JPH3: variants seen among roughly 807,000 people sequenced by gnomAD.
The protein encoded by JPH3 is junctophilin-3.
In JPH3, 11 loss-of-function variants were observed where a neutral mutation model predicts 59.6. That is an observed-to-expected ratio of 0.18 (90% CI 0.12 to 0.31). The LOEUF is 0.31. Ranked by LOEUF, JPH3 falls within the 10% of genes least tolerant of loss-of-function variation. JPH3 has a pLI of 1.00. For synonymous variants in JPH3, 673 were observed against 483.6 expected (o/e 1.39, Z -5.14); for missense variants, 1,202 against 1,105.7 (o/e 1.09, Z -1.24).
chr16:87,679,201 C>T (rs936651169), intron 2 of JPH3, among the ~76,000 whole-genome samples: 4 of 152,306 alleles, frequency 2.6e-5, no homozygotes, highest in South Asian at 4.1e-4. Flanking sequence ...TGGACCTGCC[C>T]GTGGCCTGGA....
chr16:87,669,680 G>C (rs1268709630), intron 2 of JPH3, among the ~76,000 whole-genome samples: 1 of 152,218 alleles, frequency 6.6e-6, no homozygotes, highest in Admixed American at 6.5e-5. Flanking sequence ...GACAGTGTGA[G>C]GGCCGCCTGG....
At chr16:87,610,233 C>G (rs1368394233) in intron 1 of JPH3, among the ~76,000 whole-genome samples, 2 of 152,212 alleles carry the variant, frequency 1.3e-5, no homozygotes, top group African/African-American at 4.8e-5. Context: ...TCACTCGCCA[C>G]TCACCTCCTG....
At chr16:87,691,407 G>T (rs534919868) in intron 4 of JPH3, among the ~76,000 whole-genome samples, 1 of 152,242 alleles carries the variant, frequency 6.6e-6, no homozygotes, top group African/African-American at 2.4e-5. Context: ...CAGGCAGTGC[G>T]TGGTGCTGAA....
Position 87,644,623 on chromosome 16 carries a change from A to G in JPH3, c.748A>G (p.Met250Val). The G allele has an allele frequency of 1.2e-6, 2 of 1,612,524 alleles. No individual in the cohort carries two copies. Among genetic ancestry groups the G allele is most frequent in the Non-Finnish European group, 8.5e-7 (1 of 1,179,872 alleles). The change falls in exon 2 of 5, where the codon ATG (methionine) becomes GTG (valine). Residue 250 changes from methionine (M) to valine (V), a missense_variant. Met to Val is a conservative substitution (Grantham distance 21, BLOSUM62 1). Coordinates refer to ENST00000284262, the MANE Select transcript of JPH3 (RefSeq NM_020655.4). ...GAGCTCCTTTCGCAGCGAGGCGGGCATGAGCACCGTCAGCTCCACGGCCAG... is the reference window on the plus strand; with the variant it reads ...GAGCTCCTTTCGCAGCGAGGCGGGCGTGAGCACCGTCAGCTCCACGGCCAG... ...KQSSFRSEAGMSTVSSTASDI... is the reference protein window; with the variant it reads ...KQSSFRSEAGVSTVSSTASDI...
chr16:87,645,072 C>G, intron 2 of JPH3, 37 bp downstream of exon 2: 1 of 1,566,934 alleles, frequency 6.4e-7, no homozygotes, highest in Non-Finnish European at 8.6e-7. Flanking sequence ...CTTCTTGGTG[C>G]CCAGAAGGTG....
chr16:87,675,914 G>A (rs1265739458), intron 2 of JPH3, among the ~76,000 whole-genome samples: 5 of 152,208 alleles, frequency 3.3e-5, no homozygotes, highest in African/African-American at 1.2e-4. Context: ...CTTTCGCTCT[G>A]TAATTCCTTT....
At position 87,690,773 on chromosome 16, in the gene JPH3, C is replaced by T. The variant is rs557342662; in HGVS notation, c.2166+247C>T. Among the ~76,000 whole-genome samples, 4 of 151,818 alleles carry T rather than the reference C, an allele frequency of 2.6e-5. No individual in the cohort carries two copies. The East Asian group carries it at 5.8e-4, about 22-fold the overall frequency. On this transcript the variant is annotated intron_variant, in intron 4 of 4. Transcript: ENST00000284262. The stretch of plus-strand genomic sequence containing the variant: ...GCCCCCAGGTTGTCCAGAAAGCACA[C>T]GAAACTCCTGGTTTCCAGGCAGCAT...
rs555471772 is a variant in JPH3 at position 87,659,233 on chromosome 16, C to T, written c.1160+14198C>T. On this transcript the variant is annotated intron_variant, in intron 2 of 4. Transcript: ENST00000284262. ...TACTGAAAATACAAAAAAATTCAGC[C>T]GGGTATGGTGGCAGGCACCTGTAAT... Among the ~76,000 whole-genome samples the T allele has an allele frequency of 4.7e-4, 72 of 151,874 alleles. 2 individuals are homozygous for T. In the South Asian group the frequency reaches 0.013, roughly 27 times the overall value.
At chr16:87,659,719 C>G (rs148838763) in intron 2 of JPH3, among the ~76,000 whole-genome samples, 19 of 151,462 alleles carry the variant, frequency 1.3e-4, no homozygotes, top group African/African-American at 4.6e-4. Flanking sequence ...GGCAACAAAG[C>G]AAGACTCCAT....
At chr16:87,683,765 C>T (rs758315811) in intron 2 of JPH3, among the ~76,000 whole-genome samples, 1 of 152,200 alleles carries the variant, frequency 6.6e-6, no homozygotes, top group Non-Finnish European at 1.5e-5. Context: ...TGCCATCACA[C>T]CCAGCTAATT....
At chr16:87,635,644 G>T (rs1036697875) in intron 1 of JPH3, among the ~76,000 whole-genome samples, 1 of 152,256 alleles carries the variant, frequency 6.6e-6, no homozygotes, top group African/African-American at 2.4e-5. Flanking sequence ...GTACAGCCCT[G>T]TGGGGACGCA....
chr16:87,674,319 C>T (rs554276214), intron 2 of JPH3, among the ~76,000 whole-genome samples: 1 of 150,664 alleles, frequency 6.6e-6, no homozygotes, highest in East Asian at 2.0e-4. Flanking sequence ...GACGACAGAG[C>T]GAGACTCCGT....
chr16:87,644,145 A>T, intron 1 of JPH3, 113 bp from the exon 2 acceptor site: 1 of 1,187,622 alleles, frequency 8.4e-7, no homozygotes, highest in Non-Finnish European at 1.2e-6. Context: ...CTCAAAAAAC[A>T]CAAAACAACA....
chr16:87,604,865 G>T, intron 1 of JPH3: 1 of 398,324 alleles, frequency 2.5e-6, no homozygotes, highest in South Asian at 1.8e-5. Context: ...GTCTCAGGCG[G>T]CCTTTTCTGT....
At chr16:87,605,469 G>T (rs568611167) in intron 1 of JPH3, among the ~76,000 whole-genome samples, 1 of 152,200 alleles carries the variant, frequency 6.6e-6, no homozygotes. Context: ...ACAGATCTTT[G>T]CCCTCACGGA....
chr16:87,632,908 A>AT (rs1555535680), intron 1 of JPH3, among the ~76,000 whole-genome samples: 7 of 151,508 alleles, frequency 4.6e-5, no homozygotes, highest in African/African-American at 1.5e-4. Flanking sequence ...AAAAAAAAAA[A>AT]TTTTGGTAGA....
chr16:87,664,397 G>T (rs112917715), intron 2 of JPH3, among the ~76,000 whole-genome samples: 9,919 of 151,386 alleles, frequency 0.066, 1,120 homozygotes, highest in African/African-American at 0.23. Flanking sequence ...GGCTGAGGTG[G>T]GTGGATCACT....
intron 4 of JPH3, chr16:87,694,340 T>G (rs2033714189): frequency 6.6e-6 from 1 of 152,198 alleles, no homozygotes; most frequent in East Asian, 1.9e-4. Flanking sequence ...CAACATCAGC[T>G]ACGATGCTGC....
rs1250633665 is a variant in JPH3 at position 87,674,148 on chromosome 16, C to T, written c.1161-9994C>T. On this transcript the variant is annotated intron_variant, in intron 2 of 4. Coordinates refer to ENST00000284262, the MANE Select transcript of JPH3 (RefSeq NM_020655.4). The stretch of plus-strand genomic sequence containing the variant: ...AGGAGATCGAGACCATCCTGGCTAA[C>T]ACGGTGAAACCCCGTCTCTACTAAA... Among the ~76,000 whole-genome samples the T allele has an allele frequency of 2.0e-5, 3 of 151,750 alleles. No homozygotes were observed. In the East Asian group the frequency reaches 5.8e-4, roughly 29 times the overall value.
Sources: allele counts gnomAD v4.1 joint callset (sites outside exome capture counted in the v4.1 genomes callset), GRCh38; gene constraint gnomAD v4.1.1; transcripts MANE v1.5; gene names NCBI Gene and HGNC (gene_info 2026-07-23, HGNC 2026-07-21).